The following KRT8 variants were observed in gnomAD, a reference collection of about 807,000 sequenced individuals.
The protein encoded by KRT8 is keratin 8.
In KRT8, 24 loss-of-function variants were observed where a neutral mutation model predicts 43.0. The ratio of observed to expected loss-of-function variants is 0.56; its 90% confidence interval spans 0.40 to 0.78. The LOEUF is 0.78. KRT8 is among the 30% of genes least tolerant of loss of function. The pLI is 0.00. For missense variants in KRT8, 492 were observed against 638.4 expected, an observed-to-expected ratio of 0.77 and a Z score of 2.47; for synonymous variants, 214 against 261.2, an observed-to-expected ratio of 0.82 and a Z score of 1.74.
intron 2 of KRT8, among the ~76,000 whole-genome samples, chr12:52,916,022 T>C (rs1941733721): frequency 6.6e-6 from 1 of 152,134 alleles, no homozygotes; most frequent in Non-Finnish European, 1.5e-5. Context: ...AAGTAAGATA[T>C]GGATGGAAAG....
exon 1 of KRT8, chr12:52,949,816 G>A: frequency 1.4e-6 from 1 of 705,684 alleles, no homozygotes; most frequent in Non-Finnish European, 2.6e-6. Context: ...ACAGGGTTGA[G>A]AGCTTTACAG....
upstream of KRT8, among the ~76,000 whole-genome samples, chr12:52,907,261 C>T (rs1051076457): frequency 2.0e-5 from 3 of 152,172 alleles, no homozygotes; most frequent in African/African-American, 7.2e-5. Flanking sequence ...CCCACCAGGG[C>T]TGAGAAGCTT....
At chr12:52,949,691 C>T (rs775448872) in intron 1 of KRT8, 16 of 1,072,288 alleles carry the variant, frequency 1.5e-5, no homozygotes, top group Non-Finnish European at 2.1e-5. Context: ...AACCCCTACT[C>T]CACCGGGAGG....
At chr12:52,915,304 A>G (rs1477332755) in intron 2 of KRT8, among the ~76,000 whole-genome samples, 1 of 150,298 alleles carries the variant, frequency 6.7e-6, no homozygotes, top group Non-Finnish European at 1.5e-5. Flanking sequence ...ACCCCAGGGG[A>G]CGGAGCCTGC....
Position 52,901,239 on chromosome 12 carries a change from A to T in KRT8, c.534-20T>A. The T allele has an allele frequency of 6.3e-7, 1 of 1,594,480 alleles. No homozygotes were observed. Among genetic ancestry groups the T allele is most frequent in the Non-Finnish European group, 8.6e-7 (1 of 1,163,572 alleles). ...TCATACCTGTGAGGAAAAGACTTAC[A>T]ATTAGAGGATGAAGGCAAAAGGGAG... is the stretch of plus-strand genomic sequence containing the variant. On this transcript the variant is annotated intron_variant, in intron 2 of 7. Transcript: ENST00000692008.
chr12:52,906,064 G>A (rs923959621), upstream of KRT8, among the ~76,000 whole-genome samples: 3 of 152,190 alleles, frequency 2.0e-5, no homozygotes, highest in African/African-American at 7.2e-5. Context: ...CTGGGCGACA[G>A]AGCGAGATTC....
At chr12:52,909,425 T>C (rs985345825), upstream of KRT8, among the ~76,000 whole-genome samples, 1 of 152,242 alleles carries the variant, frequency 6.6e-6, no homozygotes, top group Non-Finnish European at 1.5e-5. Flanking sequence ...AGGTGGTGGG[T>C]ACACCCCTCA....
At chr12:52,903,390 C>T (rs578026611) in intron 1 of KRT8, 1 of 152,344 alleles carries the variant, frequency 6.6e-6, no homozygotes, top group Admixed American at 6.5e-5. Flanking sequence ...TATAAGGACC[C>T]CAGGGCTAGC....
At chr12:52,923,245 G>A (rs1941922992) in intron 2 of KRT8, among the ~76,000 whole-genome samples, 1 of 152,196 alleles carries the variant, frequency 6.6e-6, no homozygotes, top group South Asian at 2.1e-4. Flanking sequence ...ATTCCTAGAA[G>A]AATGTGCAGT....
At chr12:52,910,763 C>T (rs976308486), upstream of KRT8, among the ~76,000 whole-genome samples, 1 of 152,210 alleles carries the variant, frequency 6.6e-6, no homozygotes, top group Non-Finnish European at 1.5e-5. Flanking sequence ...TGCCCACCCC[C>T]ACCCCAGCCC....
chr12:52,949,126 C>T lies in KRT8; in HGVS notation c.-47+330G>A, dbSNP rs758566910. 5.2e-6 allele frequency: 7 copies of T among 1,344,640 alleles called. No individual in the cohort carries two copies. The African/African-American group carries it at 1.3e-4, about 24-fold the overall frequency. 83.3% of individuals were successfully genotyped at this position (1,344,640 alleles called of 1,614,324 possible). ...TCGCGCGGCTCGCGCAGGCCGCCAC[C>T]GTCGTCCGCAAAGCCTGAGTCCTGT... On this transcript the variant is annotated intron_variant, in intron 2 of 6. Transcript: ENST00000546826.
intron 2 of KRT8, among the ~76,000 whole-genome samples, chr12:52,936,171 G>A (rs1174800864): frequency 6.6e-6 from 1 of 152,070 alleles, no homozygotes; most frequent in Non-Finnish European, 1.5e-5. Flanking sequence ...AGAATGGCTT[G>A]AACCTGGGAG....
chr12:52,925,438 T>C lies in KRT8; in HGVS notation c.-46-20411A>G, dbSNP rs1056003366. 3.0e-4 allele frequency among the ~76,000 whole-genome samples: 45 copies of C among 152,072 alleles called. 1 individual carries two copies. The highest frequency in any genetic ancestry group is 5.9e-4 in the Admixed American group (9 of 15,266). ...CAGCACTTAGGTATGAATGGCGCCA[T>C]TTAGGGTCTGAAATGGTCACCATTT... is the stretch of plus-strand genomic sequence containing the variant. On this transcript the variant is annotated intron_variant, in intron 2 of 6. Transcript: ENST00000546826.
intron 2 of KRT8, among the ~76,000 whole-genome samples, chr12:52,935,818 T>G (rs539110784): frequency 1.3e-5 from 2 of 152,142 alleles, no homozygotes; most frequent in African/African-American, 4.8e-5. Context: ...CATAATGGAA[T>G]TTTATCAAAA....
At chr12:52,920,370 G>A (rs531043905) in intron 2 of KRT8, among the ~76,000 whole-genome samples, 9 of 151,400 alleles carry the variant, frequency 5.9e-5, no homozygotes, top group Non-Finnish European at 1.2e-4. Flanking sequence ...GGCCAAGGCA[G>A]GCAGATCACC....
At chr12:52,923,396 C>T (rs1406720659) in intron 2 of KRT8, among the ~76,000 whole-genome samples, 1 of 151,978 alleles carries the variant, frequency 6.6e-6, no homozygotes, top group Non-Finnish European at 1.5e-5. Context: ...GGGGCAGGAC[C>T]ATTTATTCCT....
At chr12:52,926,848 C>T (rs904377321) in intron 2 of KRT8, among the ~76,000 whole-genome samples, 1 of 152,110 alleles carries the variant, frequency 6.6e-6, no homozygotes, top group Non-Finnish European at 1.5e-5. Context: ...CGCACATCAG[C>T]GCCAAGGCAT....
upstream of KRT8, chr12:52,907,154 A>G (rs750047911): frequency 1.6e-4 from 29 of 176,222 alleles, 1 homozygote; most frequent in Middle Eastern, 2.6e-3. Flanking sequence ...GTTAGCACCT[A>G]TTTACACCAG....
chr12:52,908,941 G>A (rs1034299487), upstream of KRT8, among the ~76,000 whole-genome samples: 83 of 152,182 alleles, frequency 5.5e-4, no homozygotes, highest in African/African-American at 2.0e-3. Flanking sequence ...CGAAAGTTGA[G>A]GCCGCATGCA....
Sources: gnomAD v4.1 joint callset for allele counts (sites outside exome capture counted in the v4.1 genomes callset) on GRCh38, gnomAD v4.1.1 for gene constraint, MANE v1.5 for transcripts, NCBI Gene and HGNC (gene_info 2026-07-23, HGNC 2026-07-21) for gene names.